CTNNA2: variants seen among roughly 807,000 people sequenced by gnomAD.
CTNNA2 encodes catenin alpha 2.
CTNNA2 carries 42 observed loss-of-function variants against 101.0 expected under a neutral mutation model. That is an observed-to-expected ratio of 0.42 (90% confidence interval 0.32 to 0.54). The LOEUF (loss-of-function observed/expected upper bound fraction) is 0.54, where lower values mean the gene tolerates loss of function less well. Ranked by LOEUF, CTNNA2 falls within the 20% of genes least tolerant of loss-of-function variation. CTNNA2 has a pLI of 0.14. For missense variants in CTNNA2, 871 were observed against 1,223.1 expected (o/e 0.71, Z 4.29); for synonymous variants, 450 against 456.4 (o/e 0.99, Z 0.18).
intron 2 of CTNNA2, among the ~76,000 whole-genome samples, chr2:79,681,447 A>G (rs1205592796): frequency 6.6e-6 from 1 of 152,072 alleles, no homozygotes; most frequent in Non-Finnish European, 1.5e-5. Flanking sequence ...CAGTGATGTA[A>G]TCTTTCTCTT....
intron 7 of CTNNA2, among the ~76,000 whole-genome samples, chr2:80,236,065 G>A (rs1274503892): frequency 3.3e-5 from 5 of 152,068 alleles, no homozygotes; most frequent in Non-Finnish European, 7.4e-5. Context: ...TGCAGTATTT[G>A]GTTTTCTGTT....
intron 7 of CTNNA2, among the ~76,000 whole-genome samples, chr2:80,168,115 A>G (rs932151904): frequency 1.3e-5 from 2 of 152,130 alleles, no homozygotes; most frequent in Non-Finnish European, 2.9e-5. Flanking sequence ...TAGGTATCAG[A>G]GAGGCACCAC....
intron 3 of CTNNA2, among the ~76,000 whole-genome samples, chr2:79,849,501 A>G (rs1366302126): frequency 6.6e-6 from 1 of 152,052 alleles, no homozygotes; most frequent in Non-Finnish European, 1.5e-5. Flanking sequence ...AGCCTTAGAG[A>G]AAAATTCTGA....
intron 4 of CTNNA2, among the ~76,000 whole-genome samples, chr2:79,412,256 A>T (rs560942046): frequency 6.6e-6 from 1 of 152,110 alleles, no homozygotes; most frequent in Non-Finnish European, 1.5e-5. Flanking sequence ...AAGTCCTTAG[A>T]GACCAACAAA....
intron 7 of CTNNA2, among the ~76,000 whole-genome samples, chr2:79,955,887 G>A (rs1419020387): frequency 6.6e-6 from 1 of 152,176 alleles, no homozygotes. Context: ...AGGAGCCGAT[G>A]AGTATACACC....
rs535071172 is a variant in CTNNA2 at position 79,437,564 on chromosome 2, G to A, written c.-135+63551G>A. Among the ~76,000 whole-genome samples, 11 of 152,256 alleles carry A rather than the reference G, an allele frequency of 7.2e-5. No individual in the cohort carries two copies. In the East Asian group the frequency reaches 2.1e-3, roughly 30 times the overall value. On this transcript the variant is annotated intron_variant, in intron 4 of 21. Transcript: ENST00000466387. ...AACTATCAAATCATAAACCTTGGAGGTGCCTCTGCGTTTGACCAAGCCCTG... is the reference window on the plus strand; with the variant it reads ...AACTATCAAATCATAAACCTTGGAGATGCCTCTGCGTTTGACCAAGCCCTG...
chr2:80,007,647 A>T (rs1054304583), intron 7 of CTNNA2, among the ~76,000 whole-genome samples: 30 of 152,160 alleles, frequency 2.0e-4, no homozygotes, highest in Non-Finnish European at 2.9e-5. Flanking sequence ...TTCTCTTTCT[A>T]TTAAAGTCCT....
chr2:79,388,523 A>G (rs1191866581), intron 4 of CTNNA2, among the ~76,000 whole-genome samples: 1 of 152,214 alleles, frequency 6.6e-6, no homozygotes, highest in Non-Finnish European at 1.5e-5. Context: ...TAAGAAATAT[A>G]AAACAAGGTT....
chr2:79,850,785 A>G (rs533815474), intron 3 of CTNNA2, among the ~76,000 whole-genome samples: 6 of 151,904 alleles, frequency 3.9e-5, no homozygotes, highest in Admixed American at 6.5e-5. Context: ...CTTCAGTAGT[A>G]AAAGAGTTGA....
At chr2:80,176,076 A>G (rs1471462439) in intron 7 of CTNNA2, among the ~76,000 whole-genome samples, 1 of 152,228 alleles carries the variant, frequency 6.6e-6, no homozygotes, top group Non-Finnish European at 1.5e-5. Context: ...ACACCTTCAC[A>G]GATACATCCA....
chr2:80,082,686 G>T (rs1271166707), intron 7 of CTNNA2, among the ~76,000 whole-genome samples: 1 of 152,090 alleles, frequency 6.6e-6, no homozygotes, highest in East Asian at 1.9e-4. Flanking sequence ...AGAAAAAATT[G>T]AGCATTAAAG....
chr2:80,552,510 G>A (rs1692658509), intron 11 of CTNNA2, among the ~76,000 whole-genome samples: 1 of 152,102 alleles, frequency 6.6e-6, no homozygotes, highest in Non-Finnish European at 1.5e-5. Flanking sequence ...TTCATAAAAA[G>A]GGACCTGAAT....
In CTNNA2 at chr2:79,327,314, C is replaced by T. The variant is rs114085503; in HGVS notation, c.-318+14518C>T. On this transcript the variant is annotated intron_variant, in intron 3 of 21. Transcript: ENST00000466387. ...AATCTTGCTTGAGTATTATTTTGCC[C>T]GAAGCATAAACTTTGGAATTAAATC... is the stretch of plus-strand genomic sequence containing the variant. Among the ~76,000 whole-genome samples, 565 of 152,132 alleles carry T rather than the reference C, an allele frequency of 3.7e-3. 2 individuals carry two copies. The highest frequency in any genetic ancestry group is 0.013 in the African/African-American group (525 of 41,510).
At chr2:79,683,739 C>T (rs1022848856) in intron 2 of CTNNA2, among the ~76,000 whole-genome samples, 2 of 152,176 alleles carry the variant, frequency 1.3e-5, no homozygotes, top group Non-Finnish European at 2.9e-5. Context: ...AGAGAGTTCC[C>T]ACAAGTTGCA....
At chr2:79,868,807 A>G (rs1682349667) in intron 4 of CTNNA2, among the ~76,000 whole-genome samples, 1 of 152,206 alleles carries the variant, frequency 6.6e-6, no homozygotes, top group African/African-American at 2.4e-5. Context: ...CATGTTTAAG[A>G]ACAGTTGATT....
chr2:80,565,437 G>T (rs926666185), intron 12 of CTNNA2, among the ~76,000 whole-genome samples: 1 of 152,086 alleles, frequency 6.6e-6, no homozygotes, highest in African/African-American at 2.4e-5. Flanking sequence ...AACTGGGGAA[G>T]CTCAGTTTGC....
chr2:79,388,925 A>G (rs1263869039), intron 4 of CTNNA2, among the ~76,000 whole-genome samples: 1 of 152,198 alleles, frequency 6.6e-6, no homozygotes, highest in Admixed American at 6.5e-5. Context: ...CATTTTAATC[A>G]TAATTTATCT....
intron 7 of CTNNA2, among the ~76,000 whole-genome samples, chr2:80,133,811 C>G (rs1020989555): frequency 3.3e-5 from 5 of 151,912 alleles, no homozygotes; most frequent in African/African-American, 1.2e-4. Context: ...GCCTTCAATA[C>G]AAATGCTCAT....
intron 7 of CTNNA2, among the ~76,000 whole-genome samples, chr2:80,232,303 T>C (rs2149076086): frequency 6.7e-6 from 1 of 149,014 alleles, no homozygotes; most frequent in East Asian, 2.1e-4. Context: ...TCTCTTCAAA[T>C]ATTTTACAGA....
Sources: allele counts gnomAD v4.1 joint callset (sites outside exome capture counted in the v4.1 genomes callset), GRCh38; gene constraint gnomAD v4.1.1; transcripts MANE v1.5; gene names NCBI Gene and HGNC (gene_info 2026-07-23, HGNC 2026-07-21).